NR2C2: variants seen among roughly 807,000 people sequenced by gnomAD.
NR2C2 encodes Nuclear hormone receptor TR4.
NR2C2 carries 6 observed loss-of-function variants against 62.9 expected under a neutral mutation model. The observed-to-expected ratio is 0.10, with a 90% confidence interval of 0.05 to 0.19. NR2C2 has a LOEUF of 0.19. Among genes scored for constraint, NR2C2 ranks in the 10% least tolerant of loss-of-function variants. The pLI is 1.00. For synonymous variants in NR2C2, 272 were observed against 273.8 expected, an observed-to-expected ratio of 0.99 and a Z score of 0.07; for missense variants, 479 against 762.7, an observed-to-expected ratio of 0.63 and a Z score of 4.38.
At chr3:15,004,741 T>G (rs2041119103) in intron 2 of NR2C2, 1 of 1,158,940 alleles carries the variant, frequency 8.6e-7, no homozygotes. Context: ...TCTGTTTTTC[T>G]TCTTGCAGTT....
chr3:14,953,424 G>T (rs561813791), intron 1 of NR2C2, among the ~76,000 whole-genome samples: 9 of 152,278 alleles, frequency 5.9e-5, no homozygotes, highest in Admixed American at 5.9e-4. Flanking sequence ...GGAAAATGGG[G>T]TGACTGCTGC....
At chr3:14,949,142 C>G (rs578174270) in intron 1 of NR2C2, among the ~76,000 whole-genome samples, 55 of 152,288 alleles carry the variant, frequency 3.6e-4, no homozygotes, top group African/African-American at 1.2e-3. Flanking sequence ...ATCTGGAGAA[C>G]CAGCTGTACA....
chr3:15,022,803 T>C (rs2041713313), intron 5 of NR2C2, among the ~76,000 whole-genome samples: 1 of 152,110 alleles, frequency 6.6e-6, no homozygotes, highest in Admixed American at 6.5e-5. Flanking sequence ...GGGCGAGTGG[T>C]TTGCTTGAGC....
chr3:14,972,685 T>C (rs1559537312), intron 1 of NR2C2, among the ~76,000 whole-genome samples: 1 of 152,110 alleles, frequency 6.6e-6, no homozygotes. Flanking sequence ...TAATTTATAA[T>C]GAAGAGAGGT....
intron 1 of NR2C2, among the ~76,000 whole-genome samples, chr3:15,002,594 G>GT (rs2041041057): frequency 7.1e-6 from 1 of 139,982 alleles, no homozygotes; most frequent in African/African-American, 2.6e-5. Context: ...GAATTGGGAA[G>GT]TGTTTTCTTC....
intron 8 of NR2C2, 121 bp from the exon 9 acceptor site, chr3:15,030,154 A>C (rs941887308): frequency 1.2e-6 from 1 of 855,658 alleles, no homozygotes; most frequent in Admixed American, 3.0e-5. Context: ...GTGAAACCCC[A>C]TCTCTACGGT....
rs1036479773 is a variant in NR2C2 at position 15,044,389 on chromosome 3, A to C, written c.*1381A>C. 6.6e-6 allele frequency: 1 copy of C among 152,130 alleles called. No individual in the cohort carries two copies. The highest frequency in any genetic ancestry group is 1.5e-5 in the Non-Finnish European group (1 of 68,024). 9.4% of individuals were successfully genotyped at this position (152,130 alleles called of 1,614,324 possible). A position where few individuals can be genotyped will look rare whatever the true frequency, so the allele number is the denominator to read the frequency against. ...TGCTTGCTCCTTAAAAACAACCCTC[A>C]ATTTCCAGGGTGATAGTCTTTCTCC... On this transcript the variant is annotated 3_prime_UTR_variant, in exon 14 of 14. Coordinates refer to ENST00000425241, the MANE Select transcript of NR2C2 (RefSeq NM_001291694.2).
At chr3:15,006,188 CAGAG>C (rs1226649339) in intron 2 of NR2C2, among the ~76,000 whole-genome samples, 1 of 152,074 alleles carries the variant, frequency 6.6e-6, no homozygotes. Context: ...GCCTGGGCCA[CAGAG>C]AGACCCTGTC....
Position 15,038,150 on chromosome 3 carries a change from G to A in NR2C2, c.1510+13G>A, listed in dbSNP as rs974076539. On this transcript the variant is annotated intron_variant, in intron 12 of 13. Coordinates refer to ENST00000425241, the MANE Select transcript of NR2C2 (RefSeq NM_001291694.2). ...CTCTTTAGCCCCGGTAAGATATGCG[G>A]TGGGGATGCATGACCCCTTTCCACC... 2 of 1,602,298 alleles carry A rather than the reference G, an allele frequency of 1.2e-6. No homozygotes were observed. Among genetic ancestry groups the A allele is most frequent in the South Asian group, 2.2e-5 (2 of 89,440 alleles).
Position 15,043,044 on chromosome 3 carries a change from C to T in NR2C2, c.*36C>T, listed in dbSNP as rs529324649. 2.4e-5 allele frequency: 37 copies of T among 1,572,928 alleles called. 1 individual carries two copies. The highest frequency in any genetic ancestry group is 2.2e-4 in the South Asian group (19 of 85,540). The stretch of plus-strand genomic sequence containing the variant: ...ACACCTGCCAAGGAGCAACAGAATC[C>T]TTCCAGGACCGTTCACATACAAAGA... On this transcript the variant is annotated 3_prime_UTR_variant, in exon 14 of 14. Coordinates refer to ENST00000425241, the MANE Select transcript of NR2C2 (RefSeq NM_001291694.2).
intron 1 of NR2C2, among the ~76,000 whole-genome samples, chr3:14,991,296 G>A (rs1300232879): frequency 6.6e-6 from 1 of 152,156 alleles, no homozygotes; most frequent in African/African-American, 2.4e-5. Context: ...CCAGTCCTTT[G>A]AGGACTGGAA....
At chr3:14,961,285 G>C (rs143018425) in intron 1 of NR2C2, among the ~76,000 whole-genome samples, 191 of 152,298 alleles carry the variant, frequency 1.3e-3, no homozygotes, top group Middle Eastern at 3.4e-3. Context: ...AGTTACCAGA[G>C]AGTTAAAAAG....
chr3:15,040,175 AAAC>A (rs1033925565), intron 13 of NR2C2, among the ~76,000 whole-genome samples: 3 of 151,958 alleles, frequency 2.0e-5, no homozygotes, highest in African/African-American at 4.8e-5. Context: ...ACAAAAAAAA[AAAC>A]AACAAAAAAA....
chr3:15,032,972 C>G (rs889467805), intron 10 of NR2C2, among the ~76,000 whole-genome samples: 2 of 151,706 alleles, frequency 1.3e-5, no homozygotes, highest in South Asian at 2.1e-4. Context: ...AAACCCCCCC[C>G]CCTTTTCTTG....
chr3:15,009,495 G>A (rs140570592), intron 2 of NR2C2, among the ~76,000 whole-genome samples: 3 of 152,282 alleles, frequency 2.0e-5, no homozygotes, highest in Admixed American at 6.5e-5. Flanking sequence ...TATCAATCAT[G>A]TTCAAACAAA....
chr3:15,027,704 C>G (rs1286472740), intron 7 of NR2C2, among the ~76,000 whole-genome samples: 1 of 151,700 alleles, frequency 6.6e-6, no homozygotes, highest in African/African-American at 2.4e-5. Context: ...CTCAAGAGAC[C>G]CTCCCACCTC....
intron 11 of NR2C2, among the ~76,000 whole-genome samples, chr3:15,037,044 C>A (rs1467018788): frequency 1.3e-5 from 2 of 151,868 alleles, no homozygotes; most frequent in African/African-American, 4.8e-5. Context: ...ATCGCTTGAA[C>A]CTGGGAGGCG....
In NR2C2 at chr3:15,048,682, A is replaced by G. The variant is rs980282198; in HGVS notation, c.*5674A>G. On this transcript the variant is annotated 3_prime_UTR_variant, in exon 14 of 14. Coordinates refer to ENST00000425241, the MANE Select transcript of NR2C2 (RefSeq NM_001291694.2). ...ATGGACTCAAATGCTGCTGCCACAC[A>G]CAACTCAAGTGCTGGAATATTTTTC... 2.0e-5 allele frequency: 3 copies of G among 152,638 alleles called. No individual in the cohort carries two copies. Among genetic ancestry groups the G allele is most frequent in the Non-Finnish European group, 4.4e-5 (3 of 68,036 alleles). 9.5% of individuals were successfully genotyped at this position (152,638 alleles called of 1,614,324 possible).
rs1024408308 is a variant in NR2C2 at position 15,049,127 on chromosome 3, C to T, written c.*6119C>T. On this transcript the variant is annotated 3_prime_UTR_variant, in exon 14 of 14. Coordinates refer to ENST00000425241, the MANE Select transcript of NR2C2 (RefSeq NM_001291694.2). ...GTCTTCAGTCTTGAAGAAGAATTTG[C>T]ATTGTTGTGTTTGTATATAGAGTAT... The T allele has an allele frequency of 2.0e-5, 3 of 152,540 alleles. No individual in the cohort carries two copies. The highest frequency in any genetic ancestry group is 7.2e-5 in the African/African-American group (3 of 41,412). The allele number at this position is 152,540 out of a possible 1,614,324, so 9.4% of individuals were successfully genotyped here.
Sources: gnomAD v4.1 joint callset for allele counts (sites outside exome capture counted in the v4.1 genomes callset) on GRCh38, gnomAD v4.1.1 for gene constraint, MANE v1.5 for transcripts, NCBI Gene and HGNC (gene_info 2026-07-23, HGNC 2026-07-21) for gene names.